USP12: variants seen among roughly 807,000 people sequenced by gnomAD.
USP12 encodes ubiquitin specific peptidase 12.
A neutral mutation model predicts 45.5 loss-of-function variants in USP12; 19 were observed. That is an observed-to-expected ratio of 0.42 (90% CI 0.29 to 0.61). The LOEUF (loss-of-function observed/expected upper bound fraction) is 0.61, where lower values mean the gene tolerates loss of function less well. Among genes scored for constraint, USP12 ranks in the 20% least tolerant of loss-of-function variants. The probability of loss-of-function intolerance (pLI) is 0.22; values close to 1 mark genes in which losing one functional copy is unlikely to be tolerated. For missense variants in USP12, 242 were observed against 447.7 expected (o/e 0.54, Z 4.15); for synonymous variants, 149 against 148.8 (o/e 1.00, Z -0.01).
At chr13:27,111,053 T>A (rs1166456907) in intron 2 of USP12, among the ~76,000 whole-genome samples, 2 of 152,210 alleles carry the variant, frequency 1.3e-5, no homozygotes, top group African/African-American at 4.8e-5. Context: ...AGGCTCACAC[T>A]TCTGTCCAAC....
At chr13:27,085,233 C>T (rs1291730488) in intron 6 of USP12, among the ~76,000 whole-genome samples, 2 of 151,292 alleles carry the variant, frequency 1.3e-5, no homozygotes, top group Admixed American at 6.6e-5. Context: ...AGTGCAGTGG[C>T]GCCATCTCAG....
chr13:27,069,399 G>A lies in USP12; in HGVS notation c.1012-15C>T. 4 of 1,565,322 alleles carry A rather than the reference G, an allele frequency of 2.6e-6. No homozygotes were observed. Among genetic ancestry groups the A allele is most frequent in the Non-Finnish European group, 3.5e-6 (4 of 1,135,714 alleles). Reference sequence around the variant, plus strand: ...GCATCTATTTTCTGTGAGGTAAAATGTAAACATTAGTACATAAATGAGCTC... The same window carrying A: ...GCATCTATTTTCTGTGAGGTAAAATATAAACATTAGTACATAAATGAGCTC... On this transcript the variant is annotated splice_polypyrimidine_tract_variant and intron_variant, in intron 8 of 8. Coordinates refer to ENST00000282344, the MANE Select transcript of USP12 (RefSeq NM_182488.4).
Position 27,121,517 on chromosome 13 carries a change from G to A in USP12, c.49-4921C>T, listed in dbSNP as rs185507700. On this transcript the variant is annotated intron_variant, in intron 1 of 8. Transcript: ENST00000282344. ...TTACAAAAACACACAGGAAAAGAAA[G>A]CCCCATGAATAAGAGCCCCATGAAG... Among the ~76,000 whole-genome samples, 630 of 152,102 alleles carry A rather than the reference G, an allele frequency of 4.1e-3. 2 individuals carry two copies. Among genetic ancestry groups the A allele is most frequent in the African/African-American group, 0.015 (613 of 41,506 alleles).
At chr13:27,074,026 C>T (rs1045862856) in intron 7 of USP12, among the ~76,000 whole-genome samples, 2 of 152,124 alleles carry the variant, frequency 1.3e-5, no homozygotes, top group African/African-American at 2.4e-5. Flanking sequence ...GGATAAAAGA[C>T]GGGACCCAAG....
At chr13:27,156,838 G>A (rs569227065) in intron 1 of USP12, among the ~76,000 whole-genome samples, 74 of 147,460 alleles carry the variant, frequency 5.0e-4, no homozygotes, top group African/African-American at 1.9e-3. Context: ...ACAAAAGAGA[G>A]AGAGAGAAAA....
chr13:27,121,182 T>C (rs1244942735), intron 1 of USP12, among the ~76,000 whole-genome samples: 1 of 152,148 alleles, frequency 6.6e-6, no homozygotes, highest in Non-Finnish European at 1.5e-5. Context: ...ATAACTTGCT[T>C]GACTTGTCCT....
intron 7 of USP12, among the ~76,000 whole-genome samples, chr13:27,074,725 CAG>C (rs1360946991): frequency 6.6e-6 from 1 of 152,150 alleles, no homozygotes; most frequent in East Asian, 1.9e-4. Context: ...GAGAAGAAGA[CAG>C]AAAGCAAAAT....
At chr13:27,084,169 TACACACACAC>T (rs374948699) in intron 6 of USP12, among the ~76,000 whole-genome samples, 63,480 of 142,302 alleles carry the variant, frequency 0.45, 14,429 homozygotes, top group Non-Finnish European at 0.5. Context: ...CATGTTTGCA[TACACACACAC>T]ACACACACAC....
chr13:27,097,859 C>T (rs1874665124), intron 3 of USP12, among the ~76,000 whole-genome samples: 1 of 152,180 alleles, frequency 6.6e-6, no homozygotes, highest in Non-Finnish European at 1.5e-5. Context: ...GGACTTCAGA[C>T]TGCTTCAGAT....
chr13:27,072,312 A>T (rs1335042629), intron 7 of USP12, among the ~76,000 whole-genome samples: 1 of 152,184 alleles, frequency 6.6e-6, no homozygotes, highest in Admixed American at 6.5e-5. Flanking sequence ...GAAGGAAAGG[A>T]GGTGGGTGGG....
intron 6 of USP12, chr13:27,089,677 A>G: frequency 1.9e-6 from 1 of 519,152 alleles, no homozygotes; most frequent in East Asian, 3.2e-5. Flanking sequence ...GACATAGGAA[A>G]TCACTTCAGG....
chr13:27,158,638 T>C (rs912540493), intron 1 of USP12, among the ~76,000 whole-genome samples: 3 of 152,208 alleles, frequency 2.0e-5, no homozygotes, highest in Non-Finnish European at 4.4e-5. Context: ...TGGTAAGTAT[T>C]CATGTCTCTA....
intron 6 of USP12, among the ~76,000 whole-genome samples, chr13:27,086,193 A>ATATATATATATATATAT (rs1333218859): frequency 2.4e-4 from 16 of 66,910 alleles, no homozygotes; most frequent in Non-Finnish European, 3.4e-4. Flanking sequence ...AAAAAAAAAA[A>ATATATATATATATATAT]AAAAATATAT....
intron 3 of USP12, among the ~76,000 whole-genome samples, chr13:27,103,987 T>C (rs1462968895): frequency 1.3e-5 from 2 of 152,148 alleles, no homozygotes; most frequent in Non-Finnish European, 2.9e-5. Context: ...AAATGTACTA[T>C]TAAATGAAAA....
At chr13:27,128,729 G>A (rs761381137) in intron 1 of USP12, among the ~76,000 whole-genome samples, 2 of 152,128 alleles carry the variant, frequency 1.3e-5, no homozygotes, top group Non-Finnish European at 2.9e-5. Flanking sequence ...GCCACCCTGC[G>A]TACCCTTCAG....
intron 1 of USP12, among the ~76,000 whole-genome samples, chr13:27,166,856 C>A (rs992603452): frequency 6.6e-6 from 1 of 152,102 alleles, no homozygotes; most frequent in Non-Finnish European, 1.5e-5. Context: ...CGCCCTAGTA[C>A]CCTACCACTA....
At chr13:27,142,442 T>C (rs561753494) in intron 1 of USP12, among the ~76,000 whole-genome samples, 1 of 152,338 alleles carries the variant, frequency 6.6e-6, no homozygotes, top group South Asian at 2.1e-4. Context: ...ATGCTGTGCA[T>C]TAGATGACAG....
Position 27,138,538 on chromosome 13 carries a change from G to A in USP12, c.49-21942C>T, listed in dbSNP as rs547925847. Among the ~76,000 whole-genome samples, 8 of 152,244 alleles carry A rather than the reference G, an allele frequency of 5.3e-5. No individual in the cohort carries two copies. In the East Asian group the frequency reaches 1.2e-3, roughly 22 times the overall value. On this transcript the variant is annotated intron_variant, in intron 1 of 8. Transcript: ENST00000282344. ...CCTCAGACTTTCTTAGGAAACCTGT[G>A]ACCACTGGAGAGGTTAGATAAGCAC...
At chr13:27,105,247 T>C (rs1875075238) in intron 3 of USP12, among the ~76,000 whole-genome samples, 1 of 152,224 alleles carries the variant, frequency 6.6e-6, no homozygotes. Context: ...AGGTCTTTTC[T>C]AGCTCCTTCC....
Sources: gnomAD v4.1 joint callset for allele counts (sites outside exome capture counted in the v4.1 genomes callset) on GRCh38, gnomAD v4.1.1 for gene constraint, MANE v1.5 for transcripts, NCBI Gene and HGNC (gene_info 2026-07-23, HGNC 2026-07-21) for gene names.